The following CCDC47 variants were observed in gnomAD, a reference collection of about 807,000 sequenced individuals.
The protein encoded by CCDC47 is coiled-coil domain containing 47.
CCDC47 carries 41 observed loss-of-function variants against 60.5 expected under a neutral mutation model. The ratio of observed to expected loss-of-function variants is 0.68; its 90% CI spans 0.53 to 0.88. CCDC47 has a LOEUF of 0.88. Among genes scored for constraint, CCDC47 ranks in the 40% least tolerant of loss-of-function variants. The pLI is 0.00. For missense variants in CCDC47, 513 were observed against 580.9 expected, an observed-to-expected ratio of 0.88 and a Z score of 1.20; for synonymous variants, 195 against 190.7, an observed-to-expected ratio of 1.02 and a Z score of -0.18.
Position 63,752,308 on chromosome 17 carries a change from AT to A in CCDC47, c.1203+11del. 6.3e-7 allele frequency: 1 copy of A among 1,579,818 alleles called. No homozygotes were observed. Among genetic ancestry groups the A allele is most frequent in the South Asian group, 1.1e-5 (1 of 89,756 alleles). On this transcript the variant is annotated intron_variant, in intron 11 of 12. Transcript: ENST00000225726. ...AGGTGCCAATTTATATAATACAGGC[AT>A]TGGGTCTTACTTCTCTGTTGAGTCG...
chr17:63,762,958 GTC>G (rs2144490985), intron 4 of CCDC47, among the ~76,000 whole-genome samples: 1 of 152,260 alleles, frequency 6.6e-6, no homozygotes, highest in Admixed American at 6.5e-5. Context: ...GTCTCATTCT[GTC>G]ACCCAGGCTG....
intron 1 of CCDC47, among the ~76,000 whole-genome samples, chr17:63,770,315 A>T (rs549511598): frequency 2.2e-4 from 33 of 151,990 alleles, no homozygotes; most frequent in Admixed American, 3.3e-4. Flanking sequence ...ACTAGAGAAG[A>T]GGCATTGCAG....
At chr17:63,748,402 C>T (rs912882022) in intron 12 of CCDC47, among the ~76,000 whole-genome samples, 21 of 151,868 alleles carry the variant, frequency 1.4e-4, no homozygotes, top group Admixed American at 3.9e-4. Context: ...CATGAGCCAC[C>T]GCGCCCGGCC....
At chr17:63,748,143 A>G (rs1313127117) in intron 12 of CCDC47, among the ~76,000 whole-genome samples, 2 of 149,478 alleles carry the variant, frequency 1.3e-5, no homozygotes, top group Non-Finnish European at 3.0e-5. Flanking sequence ...GCGTGAGCCA[A>G]TGTGCCTGGC....
chr17:63,760,591 C>T (rs1204296796), intron 6 of CCDC47, among the ~76,000 whole-genome samples: 2 of 152,216 alleles, frequency 1.3e-5, no homozygotes, highest in African/African-American at 4.8e-5. Context: ...ATAATCCCAG[C>T]ACTTTGGGAG....
chr17:63,768,131 CA>C (rs1428961809), intron 1 of CCDC47, among the ~76,000 whole-genome samples: 2 of 152,140 alleles, frequency 1.3e-5, no homozygotes, highest in African/African-American at 4.8e-5. Context: ...AAAGGCTAAC[CA>C]ATTATTGCAA....
chr17:63,760,793 C>A, intron 6 of CCDC47, 121 bp downstream of exon 6: 1 of 665,360 alleles, frequency 1.5e-6, no homozygotes, highest in Admixed American at 3.0e-5. Context: ...GAGCCAAGAT[C>A]ATGCCATTGC....
Position 63,764,002 on chromosome 17 carries a change from T to A in CCDC47, c.547+14A>T, listed in dbSNP as rs537419269. The A allele has an allele frequency of 1.3e-6, 2 of 1,569,116 alleles. No homozygotes were observed. The highest frequency in any genetic ancestry group is 1.7e-6 in the Non-Finnish European group (2 of 1,162,746). ...TTTCAAGCAAGAAGCTGGGCTGACA[T>A]TGGCCTCACTTACCCACTAAAGTAA... On this transcript the variant is annotated intron_variant, in intron 4 of 12. Transcript: ENST00000225726.
intron 6 of CCDC47, among the ~76,000 whole-genome samples, chr17:63,757,273 G>A (rs1301301627): frequency 6.6e-6 from 1 of 151,358 alleles, no homozygotes; most frequent in Non-Finnish European, 1.5e-5. Flanking sequence ...TCAAGAGGCT[G>A]AGGCAGGAGG....
Position 63,752,346 on chromosome 17 carries a change from C to CT in CCDC47, c.1176dup (p.Ala393SerfsTer16), listed in dbSNP as rs2039173372. On this transcript the variant is annotated frameshift_variant, in exon 11 of 13. Transcript: ENST00000225726. LOFTEE classifies it high-confidence loss of function. The stretch of plus-strand genomic sequence containing the variant: ...TCTCTGTTGAGTCGGAACTTTTTGG[C>CT]TTTATCAATAGAATAAATCACCATG... 1 of 1,613,570 alleles carries CT rather than the reference C, an allele frequency of 6.2e-7. No homozygotes were observed. The highest frequency in any genetic ancestry group is 1.3e-5 in the African/African-American group (1 of 74,892).
intron 1 of CCDC47, among the ~76,000 whole-genome samples, chr17:63,767,684 A>G (rs2039307002): frequency 6.6e-6 from 1 of 152,154 alleles, no homozygotes; most frequent in Non-Finnish European, 1.5e-5. Flanking sequence ...CATGGGGTAC[A>G]TACTGGTCTC....
chr17:63,758,823 AAACGTTTTCTGCTCTTCCATCATTGATG>A (rs2039227326), intron 6 of CCDC47, among the ~76,000 whole-genome samples: 1 of 152,180 alleles, frequency 6.6e-6, no homozygotes, highest in African/African-American at 2.4e-5. Flanking sequence ...CTGTAAAAGA[AAACGTTTTCTGCTCTTCCATCATTGATG>A]GGAAATTACA....
At chr17:63,757,902 C>T (rs1454067674) in intron 6 of CCDC47, among the ~76,000 whole-genome samples, 2 of 152,030 alleles carry the variant, frequency 1.3e-5, no homozygotes, top group Middle Eastern at 3.2e-3. Flanking sequence ...GTGCCGATAA[C>T]CAGAAAAACC....
chr17:63,761,541 T>C (rs550519376), intron 4 of CCDC47, 190 bp from the exon 5 acceptor site: 323 of 393,316 alleles, frequency 8.2e-4, no homozygotes, highest in African/African-American at 6.9e-3. Context: ...AAAAAAATTA[T>C]AAAAAATTAG....
intron 4 of CCDC47, 72 bp from the exon 5 acceptor site, chr17:63,761,423 T>C (rs1343988225): frequency 1.2e-5 from 18 of 1,565,158 alleles, no homozygotes; most frequent in Non-Finnish European, 1.5e-5. Context: ...GGCTCACGCC[T>C]ATAATCCCAG....
At chr17:63,773,164 T>C (rs867682938) in intron 1 of CCDC47, among the ~76,000 whole-genome samples, 2 of 152,356 alleles carry the variant, frequency 1.3e-5, no homozygotes, top group Middle Eastern at 3.4e-3. Flanking sequence ...TTTGCTTCTA[T>C]TAAACCCCTT....
In CCDC47 at chr17:63,759,527, TTATATATATATATATATA is replaced by T. The variant is rs770930100; in HGVS notation, c.735+1369_735+1386del. On this transcript the variant is annotated intron_variant, in intron 6 of 12. Transcript: ENST00000225726. ...AAAAAAAATATATATATATATATAT[TTATATATATATATATATA>T]TATATATATATATATATATATATAT... Among the ~76,000 whole-genome samples, 33 of 3,960 alleles carry T rather than the reference TTATATATATATATATATA, an allele frequency of 8.3e-3. 4 individuals carry two copies. Among genetic ancestry groups the T allele is most frequent in the Admixed American group, 0.044 (9 of 204 alleles). The allele number at this position is 3,960 out of a possible 152,430, so 2.6% of individuals were successfully genotyped here.
At chr17:63,764,282 GA>G (rs1836062771) in intron 3 of CCDC47, 92 bp from the exon 4 acceptor site, 1 of 918,332 alleles carries the variant, frequency 1.1e-6, no homozygotes, top group Non-Finnish European at 1.7e-6. Context: ...TCCATAAACA[GA>G]AGGGATACTT....
Position 63,761,297 on chromosome 17 carries a change from T to C in CCDC47, c.602A>G (p.Asn201Ser), listed in dbSNP as rs1321577344. The C allele has an allele frequency of 6.2e-6, 10 of 1,613,940 alleles. No homozygotes were observed. The highest frequency in any genetic ancestry group is 2.7e-5 in the African/African-American group (2 of 74,898). The change falls in exon 5 of 13, where the codon AAT (asparagine) becomes AGT (serine). Residue 201 changes from asparagine (N) to serine (S), a missense_variant. Transcript: ENST00000225726. ...ACACCACAGGTTATAGATGTGCTCATTCTCCTGGTTCAACTTTCCTGTGCT... is the reference window on the plus strand; with the variant it reads ...ACACCACAGGTTATAGATGTGCTCACTCTCCTGGTTCAACTTTCCTGTGCT... Reference protein sequence around the residue: ...ATSTGKLNQENEHIYNLWCSG... With the variant: ...ATSTGKLNQESEHIYNLWCSG...
Sources: allele counts gnomAD v4.1 joint callset (sites outside exome capture counted in the v4.1 genomes callset), GRCh38; gene constraint gnomAD v4.1.1; transcripts MANE v1.5; gene names NCBI Gene and HGNC (gene_info 2026-07-23, HGNC 2026-07-21).